Variants in EXT2 observed in about 807,000 individuals in gnomAD.
The protein encoded by EXT2 is exostosin-2.
Under a neutral mutation model 81.6 loss-of-function variants are expected in EXT2, and 53 were observed. That is an observed-to-expected ratio of 0.65 (90% CI 0.52 to 0.82). The LOEUF (loss-of-function observed/expected upper bound fraction) is 0.82, where lower values mean the gene tolerates loss of function less well. EXT2 is among the 40% of genes least tolerant of loss of function. The pLI, the probability that EXT2 is intolerant of heterozygous loss-of-function variation, is 0.00. For synonymous variants in EXT2, 320 were observed against 340.0 expected, an observed-to-expected ratio of 0.94 and a Z score of 0.65; for missense variants, 774 against 910.2, an observed-to-expected ratio of 0.85 and a Z score of 1.93.
At position 44,242,228 on chromosome 11, in the gene EXT2, C is replaced by T. The variant is rs1384655389; in HGVS notation, c.2019-1921C>T. Among the ~76,000 whole-genome samples the T allele has an allele frequency of 2.0e-5, 3 of 152,212 alleles. 1 individual carries two copies. The highest frequency in any genetic ancestry group is 4.4e-5 in the Non-Finnish European group (3 of 68,038). ...ATGCATAACTAGAAATGAGAAGAATCTGGACATATTTACAGGCGGAACAAC... is the reference window on the plus strand; with the variant it reads ...ATGCATAACTAGAAATGAGAAGAATTTGGACATATTTACAGGCGGAACAAC... On this transcript the variant is annotated intron_variant, in intron 13 of 13. Coordinates refer to ENST00000533608, the MANE Select transcript of EXT2 (RefSeq NM_207122.2).
intron 8 of EXT2, among the ~76,000 whole-genome samples, chr11:44,183,455 T>C (rs1468279693): frequency 6.6e-6 from 1 of 152,246 alleles, no homozygotes; most frequent in Non-Finnish European, 1.5e-5. Flanking sequence ...ACCTGAAGAT[T>C]GTTGAGTTTA....
intron 8 of EXT2, among the ~76,000 whole-genome samples, chr11:44,188,951 C>T (rs1955354565): frequency 6.6e-6 from 1 of 152,224 alleles, no homozygotes; most frequent in South Asian, 2.1e-4. Context: ...TAGCAGACCA[C>T]AAGCAGGATA....
intron 10 of EXT2, among the ~76,000 whole-genome samples, chr11:44,230,055 G>C (rs1311080154): frequency 6.6e-6 from 1 of 152,224 alleles, no homozygotes; most frequent in East Asian, 1.9e-4. Flanking sequence ...GGTTGGAGGG[G>C]TGTAGCGAGG....
chr11:44,113,149 T>C (rs535869145), intron 3 of EXT2, among the ~76,000 whole-genome samples: 6 of 152,324 alleles, frequency 3.9e-5, no homozygotes, highest in African/African-American at 1.4e-4. Flanking sequence ...CACTCACCAG[T>C]TCTTGGTTTC....
At chr11:44,237,074 A>C (rs1228464968) in intron 13 of EXT2, among the ~76,000 whole-genome samples, 4 of 152,164 alleles carry the variant, frequency 2.6e-5, no homozygotes, top group African/African-American at 9.7e-5. Context: ...GTACTTTCAG[A>C]AGACAATTAT....
chr11:44,243,618 CTTT>C (rs1215047805), intron 13 of EXT2, among the ~76,000 whole-genome samples: 1 of 72,904 alleles, frequency 1.4e-5, no homozygotes, highest in Non-Finnish European at 2.6e-5. Context: ...GCCCTGTCAC[CTTT>C]TTTTTTTTTT....
chr11:44,200,988 T>C (rs1955515354), intron 9 of EXT2, among the ~76,000 whole-genome samples: 1 of 152,224 alleles, frequency 6.6e-6, no homozygotes, highest in African/African-American at 2.4e-5. Context: ...CTAAAGCTCA[T>C]ACTGTGAAGT....
intron 8 of EXT2, among the ~76,000 whole-genome samples, chr11:44,185,430 A>G (rs994597461): frequency 6.6e-6 from 1 of 152,186 alleles, no homozygotes; most frequent in Non-Finnish European, 1.5e-5. Context: ...TGAAAAAGGA[A>G]GGCTTCATCT....
intron 10 of EXT2, among the ~76,000 whole-genome samples, chr11:44,223,953 A>G (rs953235069): frequency 1.3e-5 from 2 of 152,138 alleles, no homozygotes; most frequent in African/African-American, 4.8e-5. Context: ...ACCTGGCCCG[A>G]CAATTGTGTC....
chr11:44,181,340 G>A (rs1262846777), intron 8 of EXT2, among the ~76,000 whole-genome samples: 1 of 152,044 alleles, frequency 6.6e-6, no homozygotes, highest in Non-Finnish European at 1.5e-5. Flanking sequence ...ATGATGATAC[G>A]CCCTGACGTG....
intron 7 of EXT2, among the ~76,000 whole-genome samples, chr11:44,171,064 G>A (rs1178381634): frequency 6.6e-6 from 1 of 152,148 alleles, no homozygotes; most frequent in Non-Finnish European, 1.5e-5. Context: ...AAACAAATCA[G>A]ACACAGAAGA....
intron 1 of EXT2, chr11:44,096,196 C>A: frequency 6.7e-7 from 1 of 1,501,154 alleles, no homozygotes. Flanking sequence ...GCCGTGACCC[C>A]TCCCTTCCTG....
At chr11:44,162,234 T>C (rs1010066709) in intron 7 of EXT2, among the ~76,000 whole-genome samples, 2 of 152,190 alleles carry the variant, frequency 1.3e-5, no homozygotes, top group African/African-American at 2.4e-5. Context: ...CTGGCTACTA[T>C]TGCAACTGTT....
rs79945002 is a variant in EXT2 at position 44,205,299 on chromosome 11, G to T, written c.1496-1494G>T. On this transcript the variant is annotated intron_variant, in intron 9 of 13. Coordinates refer to ENST00000533608, the MANE Select transcript of EXT2 (RefSeq NM_207122.2). The stretch of plus-strand genomic sequence containing the variant: ...CCTCTACTTATTCTTATGCTGAGAA[G>T]AATGGACTTGCTTAAGATCCCATAG... 5.9e-5 allele frequency among the ~76,000 whole-genome samples: 9 copies of T among 152,288 alleles called. No individual in the cohort carries two copies. The East Asian group carries it at 1.7e-3, about 29-fold the overall frequency.
intron 4 of EXT2, among the ~76,000 whole-genome samples, chr11:44,115,105 G>GTGATGCCCATCGCTGCACACA (rs1438755106): frequency 1.3e-5 from 2 of 152,202 alleles, no homozygotes; most frequent in East Asian, 3.8e-4. Context: ...GTCTCTTAGA[G>GTGATGCCCATCGCTGCACACA]TGATGCCCAT....
intron 7 of EXT2, among the ~76,000 whole-genome samples, chr11:44,131,036 C>T (rs559222240): frequency 1.3e-5 from 2 of 152,196 alleles, no homozygotes; most frequent in Non-Finnish European, 2.9e-5. Context: ...GAGGTTCTGA[C>T]TGTTACTTAA....
intron 8 of EXT2, among the ~76,000 whole-genome samples, chr11:44,195,514 T>G (rs1955445797): frequency 6.6e-6 from 1 of 152,180 alleles, no homozygotes; most frequent in Admixed American, 6.5e-5. Flanking sequence ...GTTGTGGACA[T>G]TTTGGCTTTA....
At chr11:44,099,249 G>A (rs933864238) in intron 1 of EXT2, among the ~76,000 whole-genome samples, 2 of 152,028 alleles carry the variant, frequency 1.3e-5, no homozygotes, top group Non-Finnish European at 2.9e-5. Context: ...GCAGTGGCGC[G>A]ATCTCGGTTC....
chr11:44,238,299 C>T (rs1252671003), intron 13 of EXT2, among the ~76,000 whole-genome samples: 6 of 152,188 alleles, frequency 3.9e-5, no homozygotes, highest in African/African-American at 1.4e-4. Flanking sequence ...CCTCTCATCT[C>T]AGCCACCTGA....
Sources: gnomAD v4.1 joint callset for allele counts (sites outside exome capture counted in the v4.1 genomes callset) on GRCh38, gnomAD v4.1.1 for gene constraint, MANE v1.5 for transcripts, NCBI Gene and HGNC (gene_info 2026-07-23, HGNC 2026-07-21) for gene names.